Variants in VAV2 observed in about 807,000 individuals in gnomAD.
VAV2 encodes the protein vav guanine nucleotide exchange factor 2.
VAV2 carries 67 observed loss-of-function variants against 132.5 expected under a neutral mutation model. That is an observed-to-expected ratio of 0.51 (90% confidence interval 0.42 to 0.62). The LOEUF (loss-of-function observed/expected upper bound fraction) is 0.62, where lower values mean the gene tolerates loss of function less well. VAV2 is among the 20% of genes least tolerant of loss of function. VAV2 has a pLI of 0.00. For missense variants in VAV2, 938 were observed against 1,153.6 expected, an observed-to-expected ratio of 0.81 and a Z score of 2.71; for synonymous variants, 492 against 443.5, an observed-to-expected ratio of 1.11 and a Z score of -1.37.
chr9:133,955,944 GA>G (rs1841761461), intron 1 of VAV2, among the ~76,000 whole-genome samples: 1 of 150,220 alleles, frequency 6.7e-6, no homozygotes, highest in African/African-American at 2.5e-5. Flanking sequence ...GCCCCTGCTG[GA>G]GGCCCCCGCT....
chr9:133,874,207 G>T (rs1838172288), intron 2 of VAV2, among the ~76,000 whole-genome samples: 1 of 152,208 alleles, frequency 6.6e-6, no homozygotes, highest in African/African-American at 2.4e-5. Flanking sequence ...CTGAGTGGGG[G>T]CCTGCAGCCT....
intron 2 of VAV2, among the ~76,000 whole-genome samples, chr9:133,862,619 G>C (rs1003926268): frequency 3.3e-5 from 5 of 152,196 alleles, no homozygotes; most frequent in African/African-American, 9.7e-5. Flanking sequence ...ACAAGAAAAG[G>C]CCCACGACGG....
At chr9:133,947,623 C>A (rs1429066755) in intron 1 of VAV2, among the ~76,000 whole-genome samples, 1 of 150,012 alleles carries the variant, frequency 6.7e-6, no homozygotes, top group Non-Finnish European at 1.5e-5. Context: ...CGATTGAACT[C>A]GGGAGGTGGA....
intron 4 of VAV2, among the ~76,000 whole-genome samples, chr9:133,829,506 C>G (rs1342293107): frequency 6.6e-6 from 1 of 152,252 alleles, no homozygotes; most frequent in Non-Finnish European, 1.5e-5. Context: ...CGCCCAAGTG[C>G]GAGCTCCATA....
intron 2 of VAV2, among the ~76,000 whole-genome samples, chr9:133,896,282 C>T (rs953793346): frequency 2.0e-5 from 3 of 152,198 alleles, no homozygotes; most frequent in East Asian, 1.9e-4. Context: ...AATGAAACCC[C>T]GCCTCTACTA....
At chr9:133,957,754 A>G (rs1249063111) in intron 1 of VAV2, among the ~76,000 whole-genome samples, 2 of 152,192 alleles carry the variant, frequency 1.3e-5, no homozygotes, top group African/African-American at 4.8e-5. Flanking sequence ...GGCCAAGATG[A>G]GCTCCACCAA....
At chr9:133,829,639 AT>A (rs1235543248) in intron 4 of VAV2, among the ~76,000 whole-genome samples, 12 of 148,884 alleles carry the variant, frequency 8.1e-5, no homozygotes, top group Non-Finnish European at 1.0e-4. Context: ...TATAACATAC[AT>A]TTTTTTTTTT....
chr9:133,933,881 GAATGA>G (rs1840792254), intron 2 of VAV2, among the ~76,000 whole-genome samples: 1 of 49,706 alleles, frequency 2.0e-5, no homozygotes, highest in Non-Finnish European at 6.2e-5. Context: ...ATGGATGGAT[GAATGA>G]TGGATGGATG....
At chr9:133,786,067 G>A (rs373405997) in intron 16 of VAV2, 182 bp from the exon 17 acceptor site, 14 of 652,326 alleles carry the variant, frequency 2.1e-5, no homozygotes, top group African/African-American at 1.2e-4. Flanking sequence ...CATGCTGTAC[G>A]TGCACACGTG....
chr9:133,792,639 C>T (rs963354467), intron 12 of VAV2, among the ~76,000 whole-genome samples: 10 of 151,362 alleles, frequency 6.6e-5, no homozygotes, highest in African/African-American at 2.2e-4. Flanking sequence ...CGTGTGTGTG[C>T]ATGCACGCAC....
At chr9:133,854,734 A>G (rs768975690) in intron 3 of VAV2, among the ~76,000 whole-genome samples, 1 of 152,182 alleles carries the variant, frequency 6.6e-6, no homozygotes, top group Non-Finnish European at 1.5e-5. Context: ...ATGTCTTCCA[A>G]TTACTCCCCT....
rs1043077 is a variant in VAV2, at chr9:133,763,099, G to A, written c.*963C>T. On this transcript the variant is annotated 3_prime_UTR_variant, in exon 30 of 30. Coordinates refer to ENST00000371850, the MANE Select transcript of VAV2 (RefSeq NM_001134398.2). This position sits in a 1 kb window ranked among gnomAD's most constrained non-coding sequence, Gnocchi z 6.8. ...CCCTTGGAAGGAAGCCCTGCCAGGG[G>A]CTGGAACCAACCTCTCGTGCCAAGG... 8,261 of 152,694 alleles carry A rather than the reference G, an allele frequency of 0.054. 285 individuals carry two copies. The highest frequency in any genetic ancestry group is 0.066 in the Non-Finnish European group (4,525 of 68,076). 9.5% of individuals were successfully genotyped at this position (152,694 alleles called of 1,614,324 possible). A position where few individuals can be genotyped will look rare whatever the true frequency, so the allele number is the denominator to read the frequency against.
intron 2 of VAV2, among the ~76,000 whole-genome samples, chr9:133,868,024 C>G (rs1205735907): frequency 6.6e-6 from 1 of 152,278 alleles, no homozygotes; most frequent in Non-Finnish European, 1.5e-5. Flanking sequence ...GCACCTCGGA[C>G]AGACAGACCA....
At chr9:133,795,772 C>A in intron 11 of VAV2, 36 bp from the exon 12 acceptor site, 2 of 1,607,310 alleles carry the variant, frequency 1.2e-6, no homozygotes, top group South Asian at 1.1e-5. Context: ...TGTTACCACT[C>A]GGGGGTTCTG....
At chr9:133,953,669 C>A (rs1404738934) in intron 1 of VAV2, among the ~76,000 whole-genome samples, 1 of 152,158 alleles carries the variant, frequency 6.6e-6, no homozygotes, top group Non-Finnish European at 1.5e-5. Context: ...CAGCTTCAGA[C>A]ACCCTTGAGT....
intron 1 of VAV2, among the ~76,000 whole-genome samples, chr9:133,983,125 T>A (rs184670173): frequency 1.4e-4 from 22 of 152,214 alleles, no homozygotes; most frequent in African/African-American, 4.8e-4. Flanking sequence ...GGGGCTCGGG[T>A]CTGGGCATCT....
intron 4 of VAV2, among the ~76,000 whole-genome samples, chr9:133,815,899 C>T (rs145463687): frequency 2.2e-3 from 331 of 152,304 alleles, no homozygotes; most frequent in Non-Finnish European, 4.1e-3. Context: ...CTAGACTCAA[C>T]CTCATAAGCA....
chr9:133,948,743 C>A (rs1447198308), intron 1 of VAV2, among the ~76,000 whole-genome samples: 1 of 152,250 alleles, frequency 6.6e-6, no homozygotes, highest in African/African-American at 2.4e-5. Flanking sequence ...TAACAAACAG[C>A]GCCCGCTGAG....
chr9:133,972,540 C>A (rs1172429325), intron 1 of VAV2, among the ~76,000 whole-genome samples: 1 of 152,238 alleles, frequency 6.6e-6, no homozygotes, highest in Non-Finnish European at 1.5e-5. Flanking sequence ...CGAGGGGCGG[C>A]CCGCCTCCTG....
Sources: gnomAD v4.1 joint callset for allele counts (sites outside exome capture counted in the v4.1 genomes callset) on GRCh38, gnomAD v4.1.1 for gene constraint, Gnocchi (gnomAD v3.1) non-coding constraint, MANE v1.5 for transcripts, NCBI Gene and HGNC (gene_info 2026-07-23, HGNC 2026-07-21) for gene names.